Variants in AGMAT observed in about 807,000 individuals in gnomAD.
AGMAT encodes guanidino acid hydrolase, mitochondrial.
Under a neutral mutation model 29.3 loss-of-function variants are expected in AGMAT, and 37 were observed. That is an observed-to-expected ratio of 1.26 (90% CI 0.97 to 1.66). AGMAT has a LOEUF of 1.66. Among genes scored for constraint, AGMAT ranks in the 40% most tolerant of loss-of-function variants. AGMAT has a pLI of 0.00. For synonymous variants in AGMAT, 199 were observed against 200.8 expected (o/e 0.99, Z 0.08); for missense variants, 498 against 497.8 (o/e 1.00, Z 0.00).
chr1:15,572,906 G>A lies in AGMAT; in HGVS notation c.*745C>T, dbSNP rs1260969174. On this transcript the variant is annotated 3_prime_UTR_variant, in exon 7 of 7. Coordinates refer to ENST00000375826, the MANE Select transcript of AGMAT (RefSeq NM_024758.5). ...GCGATCTCAGCTCACTGCAGCGTCC[G>A]AGGAGGAGCTGTAGTTTAAAGGAAG... is the stretch of plus-strand genomic sequence containing the variant. The A allele has an allele frequency of 8.6e-5, 13 of 150,496 alleles. No individual in the cohort carries two copies. Among genetic ancestry groups the A allele is most frequent in the Non-Finnish European group, 1.5e-5 (1 of 67,836 alleles). The allele number at this position is 150,496 out of a possible 1,614,324, so 9.3% of individuals were successfully genotyped here. A position where few individuals can be genotyped will look rare whatever the true frequency, so the allele number is the denominator to read the frequency against.
rs1421400985 is a variant in AGMAT at position 15,584,811 on chromosome 1, G to T, written c.157C>A (p.Pro53Thr). 7.1e-7 allele frequency: 1 copy of T among 1,403,202 alleles called. No individual in the cohort carries two copies. 86.9% of individuals were successfully genotyped at this position (1,403,202 alleles called of 1,614,324 possible). The change falls in exon 1 of 7, where the codon CCG becomes ACG. Residue 53 changes from proline to threonine, a missense_variant. Coordinates refer to ENST00000375826, the MANE Select transcript of AGMAT (RefSeq NM_024758.5). ...QPPSPEFVAR[P>T]VGVCSMMRLP... Reference sequence around the variant, plus strand: ...CGCATCATGGAGCAGACGCCCACCGGCCGGGCCACGAACTCGGGGCTGGGG... The same window carrying T: ...CGCATCATGGAGCAGACGCCCACCGTCCGGGCCACGAACTCGGGGCTGGGG...
intron 1 of AGMAT, among the ~76,000 whole-genome samples, chr1:15,584,372 G>A (rs1639155902): frequency 1.3e-5 from 2 of 150,650 alleles, no homozygotes; most frequent in Admixed American, 6.6e-5. Context: ...GGATGGTCTC[G>A]AACTCCTGAC....
At position 15,573,561 on chromosome 1, in the gene AGMAT, A is replaced by G; in HGVS notation, c.*90T>C. 8.0e-7 allele frequency: 1 copy of G among 1,254,286 alleles called. No individual in the cohort carries two copies. Among genetic ancestry groups the G allele is most frequent in the Admixed American group, 1.8e-5 (1 of 55,324 alleles). The allele number at this position is 1,254,286 out of a possible 1,614,324, so 77.7% of individuals were successfully genotyped here. A position where few individuals can be genotyped will look rare whatever the true frequency, so the allele number is the denominator to read the frequency against. On this transcript the variant is annotated 3_prime_UTR_variant, in exon 7 of 7. Coordinates refer to ENST00000375826, the MANE Select transcript of AGMAT (RefSeq NM_024758.5). ...TTTCAGCAGAAAGTTTTCTTGGCAT[A>G]AACTCTTTAGTTCTCAGACTGCTTA...
intron 1 of AGMAT, among the ~76,000 whole-genome samples, chr1:15,584,297 C>G (rs1211727228): frequency 6.9e-6 from 1 of 143,954 alleles, no homozygotes; most frequent in East Asian, 2.0e-4. Flanking sequence ...CCCGCGCCAC[C>G]ATGCCCGGCT....
intron 6 of AGMAT, among the ~76,000 whole-genome samples, chr1:15,573,969 C>T (rs1421740508): frequency 6.6e-6 from 1 of 152,120 alleles, no homozygotes; most frequent in Non-Finnish European, 1.5e-5. Flanking sequence ...AGATTTTTCC[C>T]AAAGGAGAAC....
intron 4 of AGMAT, among the ~76,000 whole-genome samples, chr1:15,578,298 T>C (rs956220638): frequency 6.9e-6 from 1 of 145,484 alleles, no homozygotes; most frequent in Non-Finnish European, 1.5e-5. Flanking sequence ...TCCTCCCCTC[T>C]TTTTTTTTTC....
At chr1:15,574,630 G>T in intron 6 of AGMAT, 127 bp downstream of exon 6, 2 of 764,780 alleles carry the variant, frequency 2.6e-6, no homozygotes, top group Non-Finnish European at 4.3e-6. Flanking sequence ...TGCCCACCTT[G>T]GCCTCCCAAA....
chr1:15,582,097 C>T (rs1313057020), intron 2 of AGMAT, among the ~76,000 whole-genome samples: 3 of 151,600 alleles, frequency 2.0e-5, no homozygotes, highest in African/African-American at 4.8e-5. Context: ...GATGAAACCC[C>T]GTCTCTACTA....
At chr1:15,574,877 A>G in intron 5 of AGMAT, 36 bp from the exon 6 acceptor site, 1 of 1,560,102 alleles carries the variant, frequency 6.4e-7, no homozygotes, top group Non-Finnish European at 8.8e-7. Flanking sequence ...CCACAGTGGT[A>G]ATCATTTACA....
At chr1:15,584,224 C>G (rs1639152311) in intron 1 of AGMAT, among the ~76,000 whole-genome samples, 1 of 152,242 alleles carries the variant, frequency 6.6e-6, no homozygotes, top group African/African-American at 2.4e-5. Context: ...CTCACTGCAA[C>G]CTCCGTCTCC....
chr1:15,584,996 C>T lies in AGMAT; in HGVS notation c.-29G>A. The T allele has an allele frequency of 3.1e-6, 4 of 1,292,184 alleles. No individual in the cohort carries two copies. The highest frequency in any genetic ancestry group is 3.9e-6 in the Non-Finnish European group (4 of 1,024,414). 80.0% of individuals were successfully genotyped at this position (1,292,184 alleles called of 1,614,324 possible). On this transcript the variant is annotated 5_prime_UTR_variant, in exon 1 of 7. Coordinates refer to ENST00000375826, the MANE Select transcript of AGMAT (RefSeq NM_024758.5). Reference sequence around the variant, plus strand: ...CGCGCGCGGCCAAGACCTCACCGACCAAACCGCCCGCGAGGCCGCCGCGAT... The same window carrying T: ...CGCGCGCGGCCAAGACCTCACCGACTAAACCGCCCGCGAGGCCGCCGCGAT...
rs779628959 is a variant in AGMAT, at chr1:15,573,408, A to G, written c.*243T>C. 2 of 424,306 alleles carry G rather than the reference A, an allele frequency of 4.7e-6. No homozygotes were observed. Among genetic ancestry groups the G allele is most frequent in the Non-Finnish European group, 8.6e-6 (2 of 232,496 alleles). The allele number at this position is 424,306 out of a possible 1,614,324, so 26.3% of individuals were successfully genotyped here. A position where few individuals can be genotyped will look rare whatever the true frequency, so the allele number is the denominator to read the frequency against. On this transcript the variant is annotated 3_prime_UTR_variant, in exon 7 of 7. Coordinates refer to ENST00000375826, the MANE Select transcript of AGMAT (RefSeq NM_024758.5). Reference sequence around the variant, plus strand: ...CCCTTTATCCTCCATCTTTCATCAAAGGAAAAAAAATCAAAGCAGTACAAG... The same window carrying G: ...CCCTTTATCCTCCATCTTTCATCAAGGGAAAAAAAATCAAAGCAGTACAAG...
At chr1:15,579,079 G>A (rs1639079005) in intron 3 of AGMAT, 25 bp from the exon 4 acceptor site, 2 of 1,607,252 alleles carry the variant, frequency 1.2e-6, no homozygotes, top group Non-Finnish European at 1.7e-6. Flanking sequence ...GCAGCTCAGA[G>A]GCCAACCCTC....
chr1:15,573,702 A>G lies in AGMAT; in HGVS notation c.1008T>C (p.Ala336=). Residue 336 remains alanine (A), a synonymous_variant, in exon 7 of 7, where the codon GCT becomes GCC. Coordinates refer to ENST00000375826, the MANE Select transcript of AGMAT (RefSeq NM_024758.5). ...CACATAGCATCTCAAACAGCAGGTT[A>G]GCCGCCAGCAGGGCTGTGTTCCCTA... ...DLSGNTALLA[A]NLLFEMLCAL... The G allele has an allele frequency of 6.2e-7, 1 of 1,614,228 alleles. No homozygotes were observed. The highest frequency in any genetic ancestry group is 8.5e-7 in the Non-Finnish European group (1 of 1,180,042).
intron 5 of AGMAT, chr1:15,575,138 T>G (rs1639019421): frequency 4.2e-6 from 1 of 239,728 alleles, no homozygotes. Context: ...GCATAGGTAA[T>G]AGCCTGGAGA....
At chr1:15,583,834 G>A (rs989706303) in intron 1 of AGMAT, among the ~76,000 whole-genome samples, 5 of 152,168 alleles carry the variant, frequency 3.3e-5, no homozygotes, top group Non-Finnish European at 5.9e-5. Flanking sequence ...ATAAGTGCTG[G>A]CTTTCATAAT....
At position 15,576,740 on chromosome 1, in the gene AGMAT, C is replaced by CTTT. The variant is rs59203066; in HGVS notation, c.900+942_900+944dup. Among the ~76,000 whole-genome samples the CTTT allele has an allele frequency of 1.1e-3, 38 of 35,800 alleles. 6 individuals carry two copies. Among genetic ancestry groups the CTTT allele is most frequent in the African/African-American group, 1.9e-3 (20 of 10,348 alleles). 23.5% of individuals were successfully genotyped at this position (35,800 alleles called of 152,430 possible). A position where few individuals can be genotyped will look rare whatever the true frequency, so the allele number is the denominator to read the frequency against. On this transcript the variant is annotated intron_variant, in intron 5 of 6. Transcript: ENST00000375826. ...ACGACACCTGGCCAAGTTTAGTGTT[C>CTTT]TTTTTTTTTTTTTTTTTTTTTTTTT...
At chr1:15,573,796 C>T in intron 6 of AGMAT, 72 bp from the exon 7 acceptor site, 1 of 1,332,908 alleles carries the variant, frequency 7.5e-7, no homozygotes. Flanking sequence ...GACTCCTCAG[C>T]TTTCTCTTCC....
At chr1:15,583,149 C>T in intron 2 of AGMAT, 44 bp downstream of exon 2, 2 of 1,590,820 alleles carry the variant, frequency 1.3e-6, no homozygotes, top group Non-Finnish European at 1.7e-6. Context: ...ATAAGTAAAC[C>T]CTGAGTGCAG....
Sources: gnomAD v4.1 joint callset for allele counts (sites outside exome capture counted in the v4.1 genomes callset) on GRCh38, gnomAD v4.1.1 for gene constraint, MANE v1.5 for transcripts, NCBI Gene and HGNC (gene_info 2026-07-23, HGNC 2026-07-21) for gene names.